The following ZSWIM5 variants were observed in gnomAD, a reference collection of about 807,000 sequenced individuals.
ZSWIM5 encodes the protein zinc finger SWIM domain-containing protein 5.
A neutral mutation model predicts 119.6 loss-of-function variants in ZSWIM5; 55 were observed. The observed-to-expected ratio is 0.46, with a 90% CI of 0.37 to 0.58. ZSWIM5 has a LOEUF of 0.58. Among genes scored for constraint, ZSWIM5 ranks in the 20% least tolerant of loss-of-function variants. The pLI is 0.00. For missense variants in ZSWIM5, 1,193 were observed against 1,512.8 expected, an observed-to-expected ratio of 0.79 and a Z score of 3.51; for synonymous variants, 537 against 606.9, an observed-to-expected ratio of 0.88 and a Z score of 1.69.
At chr1:45,100,751 C>T (rs1365738022) in intron 1 of ZSWIM5, among the ~76,000 whole-genome samples, 3 of 152,144 alleles carry the variant, frequency 2.0e-5, no homozygotes, top group African/African-American at 7.2e-5. Context: ...CACCACACAT[C>T]TACAACCATC....
chr1:45,024,372 A>G (rs1463390327), intron 11 of ZSWIM5, among the ~76,000 whole-genome samples: 2 of 151,178 alleles, frequency 1.3e-5, no homozygotes. Flanking sequence ...TTAAATTTTT[A>G]TTAGAGACAG....
chr1:45,125,563 C>A (rs1645615922), intron 1 of ZSWIM5, among the ~76,000 whole-genome samples: 1 of 152,042 alleles, frequency 6.6e-6, no homozygotes, highest in Non-Finnish European at 1.5e-5. Flanking sequence ...ATCACGAGGT[C>A]AGGAGTTTGA....
At chr1:45,036,506 C>T (rs1644985386) in intron 8 of ZSWIM5, among the ~76,000 whole-genome samples, 1 of 151,994 alleles carries the variant, frequency 6.6e-6, no homozygotes, top group African/African-American at 2.4e-5. Context: ...AGGAGCATGC[C>T]ACAACACCTG....
chr1:45,156,598 T>C (rs1258945663), intron 1 of ZSWIM5, among the ~76,000 whole-genome samples: 1 of 151,886 alleles, frequency 6.6e-6, no homozygotes, highest in Non-Finnish European at 1.5e-5. Context: ...GAGTTCAGTC[T>C]TGGACATGCT....
intron 11 of ZSWIM5, among the ~76,000 whole-genome samples, chr1:45,030,662 T>G (rs887488372): frequency 4.6e-5 from 7 of 152,246 alleles, no homozygotes; most frequent in African/African-American, 1.2e-4. Context: ...ATTCTCCTAT[T>G]ACCATTTTGA....
At chr1:45,058,300 G>A (rs1361926030) in intron 4 of ZSWIM5, among the ~76,000 whole-genome samples, 1 of 152,212 alleles carries the variant, frequency 6.6e-6, no homozygotes, top group Non-Finnish European at 1.5e-5. Flanking sequence ...CAAAAGTGAG[G>A]CTGATAAGTA....
At position 45,087,873 on chromosome 1, in the gene ZSWIM5, A is replaced by G; in HGVS notation, c.952+8T>C. The stretch of plus-strand genomic sequence containing the variant: ...CCTTTTTTTTCAATAAAAAAGTTGT[A>G]CAATTACCATTCACTTGGTTGATTT... On this transcript the variant is annotated splice_region_variant and intron_variant, in intron 2 of 13. Transcript: ENST00000359600. The G allele has an allele frequency of 6.3e-7, 1 of 1,587,210 alleles. No homozygotes were observed. Among genetic ancestry groups the G allele is most frequent in the Non-Finnish European group, 8.6e-7 (1 of 1,164,848 alleles).
chr1:45,132,662 T>C (rs929752708), intron 1 of ZSWIM5, among the ~76,000 whole-genome samples: 2 of 152,166 alleles, frequency 1.3e-5, no homozygotes, highest in Admixed American at 6.5e-5. Flanking sequence ...GTGCACAACA[T>C]GCAGGTTTGT....
chr1:45,169,444 A>C (rs1172772742), intron 1 of ZSWIM5, among the ~76,000 whole-genome samples: 1 of 152,064 alleles, frequency 6.6e-6, no homozygotes, highest in Non-Finnish European at 1.5e-5. Flanking sequence ...TATGTAACTT[A>C]ATCAAGACCA....
intron 1 of ZSWIM5, among the ~76,000 whole-genome samples, chr1:45,123,469 T>C (rs1312837456): frequency 1.3e-5 from 2 of 151,712 alleles, no homozygotes; most frequent in Middle Eastern, 3.4e-3. Flanking sequence ...ATAACTGAAA[T>C]AAAAAAATGT....
intron 1 of ZSWIM5, among the ~76,000 whole-genome samples, chr1:45,146,188 A>G (rs1645758544): frequency 6.6e-6 from 1 of 152,178 alleles, no homozygotes. Flanking sequence ...AATAGCTGGT[A>G]GAATTAAGAG....
intron 11 of ZSWIM5, among the ~76,000 whole-genome samples, chr1:45,028,996 G>T (rs887126088): frequency 6.6e-6 from 1 of 152,152 alleles, no homozygotes; most frequent in Non-Finnish European, 1.5e-5. Flanking sequence ...ATAGAACAGA[G>T]ATGTTTTTTC....
intron 1 of ZSWIM5, among the ~76,000 whole-genome samples, chr1:45,140,962 T>G (rs1318338600): frequency 6.6e-6 from 1 of 152,072 alleles, no homozygotes; most frequent in African/African-American, 2.4e-5. Context: ...AGCCCAGTAG[T>G]GAGTATTGGG....
At chr1:45,044,498 C>T (rs1201493532) in intron 5 of ZSWIM5, among the ~76,000 whole-genome samples, 12 of 149,230 alleles carry the variant, frequency 8.0e-5, no homozygotes, top group Admixed American at 2.7e-4. Context: ...CTGAGGTGGG[C>T]GGATCATGAG....
chr1:45,109,259 T>C (rs910144698), intron 1 of ZSWIM5, among the ~76,000 whole-genome samples: 6 of 152,222 alleles, frequency 3.9e-5, no homozygotes, highest in Non-Finnish European at 8.8e-5. Flanking sequence ...GGGTTGTATA[T>C]ACATTCACAT....
chr1:45,087,772 C>T, intron 2 of ZSWIM5, 109 bp downstream of exon 2: 2 of 770,682 alleles, frequency 2.6e-6, no homozygotes, highest in Non-Finnish European at 4.2e-6. Flanking sequence ...CAGAAATATC[C>T]CAACCTCTTA....
At chr1:45,154,961 T>C (rs948759423) in intron 1 of ZSWIM5, among the ~76,000 whole-genome samples, 1 of 151,962 alleles carries the variant, frequency 6.6e-6, no homozygotes, top group African/African-American at 2.4e-5. Context: ...GAAGACAACA[T>C]TGGAAAAACC....
chr1:45,079,947 C>T (rs1284075971), intron 2 of ZSWIM5, among the ~76,000 whole-genome samples: 1 of 152,162 alleles, frequency 6.6e-6, no homozygotes, highest in Non-Finnish European at 1.5e-5. Flanking sequence ...AAGGGGGCTT[C>T]ATGACTCTGA....
At chr1:45,060,384 C>CCTG in intron 2 of ZSWIM5, 137 bp from the exon 3 acceptor site, 2 of 774,878 alleles carry the variant, frequency 2.6e-6, no homozygotes, top group Non-Finnish European at 2.0e-6. Flanking sequence ...CTGTATAGTC[C>CCTG]TAAACAAAAT....
Sources: allele counts gnomAD v4.1 joint callset (sites outside exome capture counted in the v4.1 genomes callset), GRCh38; gene constraint gnomAD v4.1.1; transcripts MANE v1.5; gene names NCBI Gene and HGNC (gene_info 2026-07-23, HGNC 2026-07-21).